The following CACNA1I variants were observed in gnomAD, a reference collection of about 807,000 sequenced individuals.
CACNA1I encodes voltage-dependent T-type calcium channel subunit alpha-1I.
CACNA1I carries 74 observed loss-of-function variants against 201.6 expected under a neutral mutation model. The ratio of observed to expected loss-of-function variants is 0.37; its 90% CI spans 0.30 to 0.45. The LOEUF (loss-of-function observed/expected upper bound fraction) is 0.45. CACNA1I is among the 20% of genes least tolerant of loss of function. The pLI is 1.00. For missense variants in CACNA1I, 2,346 were observed against 3,138.1 expected (o/e 0.75, Z 6.03); for synonymous variants, 1,431 against 1,345.2 (o/e 1.06, Z -1.40).
chr22:39,578,128 C>T (rs1011555692), intron 1 of CACNA1I, among the ~76,000 whole-genome samples: 11 of 148,308 alleles, frequency 7.4e-5, no homozygotes, highest in South Asian at 2.2e-4. Flanking sequence ...GGTGGGAGGG[C>T]GGGAAGGTGG....
chr22:39,679,272 C>T lies in CACNA1I; in HGVS notation c.5221C>T (p.Gln1741Ter). 6.3e-7 allele frequency: 1 copy of T among 1,581,074 alleles called. No individual in the cohort carries two copies. Among genetic ancestry groups the T allele is most frequent in the Non-Finnish European group, 8.6e-7 (1 of 1,164,408 alleles). Residue 1741 changes from glutamine to a stop codon, truncating the protein, a stop_gained, in exon 32 of 37, where the codon CAG becomes TAG. Coordinates refer to ENST00000402142, the MANE Select transcript of CACNA1I (RefSeq NM_021096.4). LOFTEE classifies it high-confidence loss of function. ...CCTGGACGACAGCAACAAGGAGGCG[C>T]AGGAGGACGCCGAGATGGATGCCGA... is the stretch of plus-strand genomic sequence containing the variant. ...KHLDDSNKEA[Q>*]EDAEMDAELE...
At chr22:39,640,807 G>C in intron 5 of CACNA1I, 60 bp from the exon 6 acceptor site, 4 of 1,411,032 alleles carry the variant, frequency 2.8e-6, no homozygotes, top group Non-Finnish European at 3.9e-6. Context: ...CTCCCTTCCT[G>C]ATCCTCCTGA....
chr22:39,572,601 C>T (rs113118650), intron 1 of CACNA1I, among the ~76,000 whole-genome samples: 9 of 152,154 alleles, frequency 5.9e-5, no homozygotes, highest in Admixed American at 2.0e-4. Context: ...TTCTGGGGGA[C>T]GGCTCACAGC....
Position 39,684,948 on chromosome 22 carries a change from C to A in CACNA1I, c.6027+450C>A. The A allele has an allele frequency of 3.3e-6, 1 of 302,590 alleles. No individual in the cohort carries two copies. 18.7% of individuals were successfully genotyped at this position (302,590 alleles called of 1,614,324 possible). ...AGAAGCCTCGGGCTGCAGGGTCCCC[C>A]GTACTGGATTGGCCAGGGCCACAGC... On this transcript the variant is annotated intron_variant, in intron 36 of 36. Transcript: ENST00000402142. The surrounding 1 kb of genome is among the most constrained non-coding windows in gnomAD (Gnocchi z 4.6).
At chr22:39,631,357 TCA>T (rs1934056669) in intron 4 of CACNA1I, among the ~76,000 whole-genome samples, 1 of 152,184 alleles carries the variant, frequency 6.6e-6, no homozygotes, top group African/African-American at 2.4e-5. Context: ...GGGCCCTCAA[TCA>T]CACTCATGGG....
At chr22:39,616,780 A>AG (rs1569063574) in intron 3 of CACNA1I, among the ~76,000 whole-genome samples, 1 of 101,470 alleles carries the variant, frequency 9.9e-6, no homozygotes, top group Non-Finnish European at 2.4e-5. Context: ...AAAAAAAAAA[A>AG]AAAAAAAGAA....
chr22:39,679,483 G>A (rs964794044), intron 32 of CACNA1I, 38 bp downstream of exon 32: 10 of 1,346,284 alleles, frequency 7.4e-6, no homozygotes, highest in South Asian at 3.2e-5. Context: ...GTCGCCAGAG[G>A]GGGGGCACCG....
At chr22:39,581,267 G>A (rs191599851) in intron 1 of CACNA1I, among the ~76,000 whole-genome samples, 5 of 152,322 alleles carry the variant, frequency 3.3e-5, no homozygotes, top group African/African-American at 1.2e-4. Flanking sequence ...GGCTGAGGAA[G>A]CAGCCTGATC....
At chr22:39,669,114 A>C (rs1172956334) in intron 24 of CACNA1I, among the ~76,000 whole-genome samples, 1 of 152,146 alleles carries the variant, frequency 6.6e-6, no homozygotes, top group African/African-American at 2.4e-5. Context: ...GGCTGTGTCC[A>C]GACTGAGGGG....
In CACNA1I at chr22:39,679,277, G is replaced by T; in HGVS notation, c.5226G>T (p.Glu1742Asp). The change falls in exon 32 of 37, where the codon GAG becomes GAT. Residue 1742 changes from glutamate to aspartate, a missense_variant. Transcript: ENST00000402142. ...ACGACAGCAACAAGGAGGCGCAGGAGGACGCCGAGATGGATGCCGAGCTCG... is the reference window on the plus strand; with the variant it reads ...ACGACAGCAACAAGGAGGCGCAGGATGACGCCGAGATGGATGCCGAGCTCG... ...HLDDSNKEAQEDAEMDAELEL... is the reference protein window; with the variant it reads ...HLDDSNKEAQDDAEMDAELEL... The T allele has an allele frequency of 6.3e-7, 1 of 1,577,744 alleles. No individual in the cohort carries two copies. The highest frequency in any genetic ancestry group is 8.6e-7 in the Non-Finnish European group (1 of 1,162,610).
chr22:39,576,372 A>C (rs895468022), intron 1 of CACNA1I, among the ~76,000 whole-genome samples: 1 of 152,240 alleles, frequency 6.6e-6, no homozygotes, highest in Non-Finnish European at 1.5e-5. Context: ...AGTGAAGCTC[A>C]AAGAGGTTGA....
intron 20 of CACNA1I, 32 bp downstream of exon 20, chr22:39,664,191 AGCCCCAGCTCGGGCCCCTG>A (rs1569089988): frequency 6.3e-7 from 1 of 1,588,554 alleles, no homozygotes; most frequent in South Asian, 1.1e-5. Flanking sequence ...GACCCCTGCT[AGCCCCAGCTCGGGCCCCTG>A]GCCCTGGGTC....
chr22:39,621,061 T>C (rs970246522), intron 4 of CACNA1I, among the ~76,000 whole-genome samples: 1 of 152,170 alleles, frequency 6.6e-6, no homozygotes, highest in Admixed American at 6.5e-5. Context: ...CCTGGCTGCC[T>C]GGGGCTTTTA....
Position 39,665,328 on chromosome 22 carries a change from A to G in CACNA1I, c.3852-170A>G, listed in dbSNP as rs1274609285. On this transcript the variant is annotated intron_variant, in intron 21 of 36. Coordinates refer to ENST00000402142, the MANE Select transcript of CACNA1I (RefSeq NM_021096.4). The surrounding 1 kb of genome is among the most constrained non-coding windows in gnomAD (Gnocchi z 5.5). ...CTGCCCGTGTCTGGGCTGCCTGGCC[A>G]CTTTCTCTGCATTCCTGGAGACTGT... Among the ~76,000 whole-genome samples the G allele has an allele frequency of 6.6e-6, 1 of 151,972 alleles. No individual in the cohort carries two copies. Among genetic ancestry groups the G allele is most frequent in the African/African-American group, 2.4e-5 (1 of 41,348 alleles).
chr22:39,612,483 C>T (rs750960929), intron 3 of CACNA1I, among the ~76,000 whole-genome samples: 2 of 152,026 alleles, frequency 1.3e-5, no homozygotes, highest in Non-Finnish European at 2.9e-5. Flanking sequence ...TTGGGAAGTC[C>T]AAGATCAAGG....
chr22:39,648,356 G>A lies in CACNA1I; in HGVS notation c.1567+430G>A, dbSNP rs1231959954. Among the ~76,000 whole-genome samples, 1 of 152,192 alleles carries A rather than the reference G, an allele frequency of 6.6e-6. No homozygotes were observed. Among genetic ancestry groups the A allele is most frequent in the African/African-American group, 2.4e-5 (1 of 41,474 alleles). On this transcript the variant is annotated intron_variant, in intron 9 of 36. Coordinates refer to ENST00000402142, the MANE Select transcript of CACNA1I (RefSeq NM_021096.4). This position sits in a 1 kb window ranked among gnomAD's most constrained non-coding sequence, Gnocchi z 5.4. ...TGGTGTTGCTGGAGGACGTGGGGGA[G>A]AAGTGTTCACTCCAACGGGCTTCCT...
intron 18 of CACNA1I, 32 bp downstream of exon 18, chr22:39,662,908 G>C (rs1298940375): frequency 7.3e-7 from 1 of 1,369,668 alleles, no homozygotes; most frequent in East Asian, 2.4e-5. Context: ...GTGAGGGTTA[G>C]AGTAGGGGTA....
In CACNA1I at chr22:39,686,200, C is replaced by T; in HGVS notation, c.6467C>T (p.Thr2156Ile). 2 of 1,269,222 alleles carry T rather than the reference C, an allele frequency of 1.6e-6. No individual in the cohort carries two copies. The highest frequency in any genetic ancestry group is 3.4e-5 in the East Asian group (1 of 29,830). The allele number at this position is 1,269,222 out of a possible 1,614,324, so 78.6% of individuals were successfully genotyped here. The change falls in exon 37 of 37, where the codon ACC (threonine) becomes ATC (isoleucine). Residue 2156 changes from threonine (T) to isoleucine (I), a missense_variant. Coordinates refer to ENST00000402142, the MANE Select transcript of CACNA1I (RefSeq NM_021096.4). ...ACGCCCGCCAGGAAGTTCAGCAGCA[C>T]CAGCAGCCTGGCCGCCCCCGGCCGC... ...GLTPARKFSSTSSLAAPGRPH... is the reference protein window; with the variant it reads ...GLTPARKFSSISSLAAPGRPH...
At position 39,662,400 on chromosome 22, in the gene CACNA1I, G is replaced by A; in HGVS notation, c.3337G>A (p.Gly1113Arg). The A allele has an allele frequency of 4.1e-6, 6 of 1,463,738 alleles. No homozygotes were observed. The highest frequency in any genetic ancestry group is 5.4e-6 in the Non-Finnish European group (6 of 1,117,202). The allele number at this position is 1,463,738 out of a possible 1,614,324, so 90.7% of individuals were successfully genotyped here. A position where few individuals can be genotyped will look rare whatever the true frequency, so the allele number is the denominator to read the frequency against. ...KDVFTKMGDR[G>R]DRGEDEEEID... is the part of the protein sequence containing the mutation. ...CGTCTTCACCAAGATGGGCGACCGCGGGGATCGCGGGGAGGATGAGGAGGA... is the reference window on the plus strand; with the variant it reads ...CGTCTTCACCAAGATGGGCGACCGCAGGGATCGCGGGGAGGATGAGGAGGA... Residue 1113 changes from glycine to arginine, a missense_variant, in exon 17 of 37, where the codon GGG (glycine) becomes AGG (arginine). Coordinates refer to ENST00000402142, the MANE Select transcript of CACNA1I (RefSeq NM_021096.4).
Sources: gnomAD v4.1 joint callset for allele counts (sites outside exome capture counted in the v4.1 genomes callset) on GRCh38, gnomAD v4.1.1 for gene constraint, Gnocchi (gnomAD v3.1) non-coding constraint, MANE v1.5 for transcripts, NCBI Gene and HGNC (gene_info 2026-07-23, HGNC 2026-07-21) for gene names.